SENP7: variants seen among roughly 807,000 people sequenced by gnomAD.
SENP7 encodes the protein sentrin-specific protease 7.
Under a neutral mutation model 141.2 loss-of-function variants are expected in SENP7, and 64 were observed. That is an observed-to-expected ratio of 0.45 (90% CI 0.37 to 0.56). SENP7 has a LOEUF of 0.56. Among genes scored for constraint, SENP7 ranks in the 20% least tolerant of loss-of-function variants. SENP7 has a pLI of 0.00. For missense variants in SENP7, 1,025 were observed against 1,212.2 expected (o/e 0.85, Z 2.29); for synonymous variants, 382 against 426.4 (o/e 0.90, Z 1.28).
chr3:101,415,470 A>T (rs767181018), intron 5 of SENP7, among the ~76,000 whole-genome samples: 4 of 152,210 alleles, frequency 2.6e-5, no homozygotes, highest in Non-Finnish European at 4.4e-5. Context: ...GATATATACT[A>T]GTATCTAGGA....
intron 16 of SENP7, among the ~76,000 whole-genome samples, chr3:101,339,263 T>A (rs1416591568): frequency 6.6e-6 from 1 of 152,130 alleles, no homozygotes; most frequent in African/African-American, 2.4e-5. Context: ...TTATAATAAA[T>A]TTGGTTTGGG....
chr3:101,365,564 G>C lies in SENP7; in HGVS notation c.1319-573C>G, dbSNP rs144047202. Among the ~76,000 whole-genome samples, 530 of 149,666 alleles carry C rather than the reference G, an allele frequency of 3.5e-3. 1 individual carries two copies. Among genetic ancestry groups the C allele is most frequent in the African/African-American group, 4.9e-3 (198 of 40,734 alleles). ...TTAAGGAGATTACTTGAGCCCAGGA[G>C]GGGGAGGTTGCAGTGAGCCAAGATC... On this transcript the variant is annotated intron_variant, in intron 9 of 23. Transcript: ENST00000394095.
intron 3 of SENP7, among the ~76,000 whole-genome samples, chr3:101,461,837 AACT>A (rs2063557364): frequency 6.6e-6 from 1 of 152,198 alleles, no homozygotes; most frequent in South Asian, 2.1e-4. Flanking sequence ...AAAAGAACTA[AACT>A]ACTACCACAT....
intron 23 of SENP7, among the ~76,000 whole-genome samples, chr3:101,326,836 A>C (rs538931933): frequency 2.6e-4 from 40 of 152,176 alleles, no homozygotes; most frequent in African/African-American, 9.6e-4. Context: ...TATACCTTTC[A>C]AACAGTAAAT....
At chr3:101,371,924 T>G in intron 7 of SENP7, 84 bp downstream of exon 7, 1 of 487,982 alleles carries the variant, frequency 2.0e-6, no homozygotes. Context: ...CAAAGTAAAA[T>G]AAAATAATTT....
chr3:101,472,007 T>G (rs2064018385), intron 3 of SENP7, among the ~76,000 whole-genome samples: 1 of 152,202 alleles, frequency 6.6e-6, no homozygotes, highest in African/African-American at 2.4e-5. Context: ...AAACAACAGA[T>G]GCTGGAGAGA....
In SENP7 at chr3:101,330,363, T is replaced by A. The variant is rs766181549; in HGVS notation, c.2722A>T (p.Thr908Ser). Reference sequence around the variant, plus strand: ...GAATCCTCTGCACTCAAAGACAGTGTCGAAGTAGTACGTAGATCATTATCT... The same window carrying A: ...GAATCCTCTGCACTCAAAGACAGTGACGAAGTAGTACGTAGATCATTATCT... ...TIDNDLRTTS[T>S]LSLSAEDSQS... Residue 908 changes from threonine (T) to serine (S), a missense_variant, in exon 20 of 24, where the codon ACA (threonine) becomes TCA (serine). Physicochemically the swap from Thr to Ser is moderately conservative, Grantham distance 58. This residue lies in a region of SENP7 where 295 missense variants were observed against 459.1 expected (regional missense o/e 0.64). Transcript: ENST00000394095. 51 of 1,608,540 alleles carry A rather than the reference T, an allele frequency of 3.2e-5. No individual in the cohort carries two copies. The highest frequency in any genetic ancestry group is 3.8e-5 in the Non-Finnish European group (45 of 1,175,504).
chr3:101,485,172 C>T (rs2064674853), intron 3 of SENP7, among the ~76,000 whole-genome samples: 1 of 152,058 alleles, frequency 6.6e-6, no homozygotes, highest in Non-Finnish European at 1.5e-5. Context: ...CTTCCCTATC[C>T]ACCCTGGTAG....
intron 12 of SENP7, among the ~76,000 whole-genome samples, chr3:101,348,972 C>T (rs1221036172): frequency 6.6e-6 from 1 of 152,120 alleles, no homozygotes; most frequent in Admixed American, 6.6e-5. Flanking sequence ...AACTTTGTTA[C>T]TCAAAGTATA....
At chr3:101,431,676 C>T (rs145013678) in intron 4 of SENP7, among the ~76,000 whole-genome samples, 14 of 151,704 alleles carry the variant, frequency 9.2e-5, no homozygotes, top group Non-Finnish European at 1.5e-4. Context: ...CCTAGCTACT[C>T]GGGAGGCTGA....
At chr3:101,375,690 T>A (rs936011315) in intron 6 of SENP7, among the ~76,000 whole-genome samples, 2 of 152,026 alleles carry the variant, frequency 1.3e-5, no homozygotes, top group African/African-American at 4.8e-5. Context: ...GGCACACTAT[T>A]CACAATAGCC....
intron 15 of SENP7, 37 bp from the exon 16 acceptor site, chr3:101,340,248 T>G (rs2059295045): frequency 1.3e-6 from 2 of 1,541,478 alleles, no homozygotes; most frequent in South Asian, 1.3e-5. Context: ...ATACTGATAT[T>G]GAAAATCCTA....
rs974068241 is a variant in SENP7, at chr3:101,351,598, A to G, written c.1657+20T>C. 5 of 1,341,228 alleles carry G rather than the reference A, an allele frequency of 3.7e-6. No homozygotes were observed. The highest frequency in any genetic ancestry group is 4.9e-6 in the Non-Finnish European group (5 of 1,016,828). 83.1% of individuals were successfully genotyped at this position (1,341,228 alleles called of 1,614,324 possible). On this transcript the variant is annotated intron_variant, in intron 12 of 23. Coordinates refer to ENST00000394095, the MANE Select transcript of SENP7 (RefSeq NM_020654.5). ...AAAACTATAGTAAAAAGACAAGTTC[A>G]TAAGAGAATGATAACTTACCTTGAA...
chr3:101,500,847 C>T (rs1337574901), intron 2 of SENP7, among the ~76,000 whole-genome samples: 1 of 152,156 alleles, frequency 6.6e-6, no homozygotes. Context: ...GGAAAGTATA[C>T]TGGTCATCTG....
At chr3:101,389,423 T>G (rs956979453) in intron 6 of SENP7, among the ~76,000 whole-genome samples, 1 of 151,936 alleles carries the variant, frequency 6.6e-6, no homozygotes, top group Non-Finnish European at 1.5e-5. Flanking sequence ...TAGACACTTA[T>G]AAGAGAATCT....
rs574166107 is a variant in SENP7, at chr3:101,366,586, C to A, written c.1162G>T (p.Gly388Cys). ...TTCTCAACGGTTTCAGTGGTTGAAC[C>A]GGCAGAGGCACTTTTGGTGGCATTA... ...LSNATKSASA[G>C]STTETVENSN... Residue 388 changes from glycine (G) to cysteine (C), a missense_variant, in exon 9 of 24, where the codon GGT (glycine) becomes TGT (cysteine). Around this residue, in one of 4 missense-constraint regions of SENP7, gnomAD observed 496 missense variants for 503.5 expected, o/e 0.99. Coordinates refer to ENST00000394095, the MANE Select transcript of SENP7 (RefSeq NM_020654.5). 21 of 1,613,766 alleles carry A rather than the reference C, an allele frequency of 1.3e-5. No homozygotes were observed. Among genetic ancestry groups the A allele is most frequent in the Non-Finnish European group, 1.7e-5 (20 of 1,179,884 alleles).
intron 11 of SENP7, among the ~76,000 whole-genome samples, chr3:101,354,492 C>T (rs9861229): frequency 0.39 from 59,902 of 151,814 alleles, 12,407 homozygotes; most frequent in Admixed American, 0.54. Context: ...CCACTTATAA[C>T]TGAGAATATG....
At chr3:101,392,002 T>C (rs1377960585) in intron 6 of SENP7, among the ~76,000 whole-genome samples, 3 of 152,174 alleles carry the variant, frequency 2.0e-5, no homozygotes, top group Admixed American at 6.5e-5. Context: ...AAAAAAGCAT[T>C]TGATAATATT....
At chr3:101,488,911 A>G (rs1350504215) in intron 3 of SENP7, among the ~76,000 whole-genome samples, 3 of 152,160 alleles carry the variant, frequency 2.0e-5, no homozygotes, top group Non-Finnish European at 4.4e-5. Flanking sequence ...AGCTAGAGAG[A>G]AGGGTCAGGT....
Sources: gnomAD v4.1 joint callset for allele counts (sites outside exome capture counted in the v4.1 genomes callset) on GRCh38, gnomAD v4.1.1 for gene constraint, gnomAD v4.1.1 regional missense constraint, MANE v1.5 for transcripts, NCBI Gene and HGNC (gene_info 2026-07-23, HGNC 2026-07-21) for gene names.